The following BRAP variants were observed in gnomAD, a reference collection of about 807,000 sequenced individuals.
BRAP encodes the protein BRCA1 associated protein.
A neutral mutation model predicts 73.4 loss-of-function variants in BRAP; 42 were observed. The ratio of observed to expected loss-of-function variants is 0.57; its 90% CI spans 0.45 to 0.74. The LOEUF is 0.74. Among genes scored for constraint, BRAP ranks in the 30% least tolerant of loss-of-function variants. BRAP has a pLI of 0.00. For missense variants in BRAP, 593 were observed against 751.4 expected (o/e 0.79, Z 2.46); for synonymous variants, 255 against 267.4 (o/e 0.95, Z 0.45).
intron 9 of BRAP, 124 bp downstream of exon 9, chr12:111,658,612 C>T (rs1326374628): frequency 2.5e-5 from 18 of 718,092 alleles, no homozygotes; most frequent in Non-Finnish European, 3.7e-5. Flanking sequence ...GCATAAGCCA[C>T]TGCGCCCGGC....
chr12:111,674,381 T>A (rs891477744), intron 4 of BRAP, among the ~76,000 whole-genome samples: 7 of 152,188 alleles, frequency 4.6e-5, no homozygotes, highest in Non-Finnish European at 1.0e-4. Context: ...TAGCTGTGAT[T>A]ATAGGCATAC....
chr12:111,680,527 T>C (rs1278023552), intron 3 of BRAP, among the ~76,000 whole-genome samples: 1 of 124,230 alleles, frequency 8.0e-6, no homozygotes, highest in Non-Finnish European at 1.6e-5. Context: ...TGAAACCCCA[T>C]CTCTGCCAAA....
At chr12:111,650,387 T>C (rs1255617743) in intron 10 of BRAP, among the ~76,000 whole-genome samples, 1 of 152,168 alleles carries the variant, frequency 6.6e-6, no homozygotes, top group African/African-American at 2.4e-5. Flanking sequence ...TGCCTCAGCC[T>C]CCCAAGTAGC....
intron 6 of BRAP, 50 bp from the exon 7 acceptor site, chr12:111,660,725 C>A: frequency 6.5e-7 from 1 of 1,531,712 alleles, no homozygotes; most frequent in Non-Finnish European, 8.8e-7. Flanking sequence ...TAAAAGACAG[C>A]TGTTACAGAA....
intron 4 of BRAP, chr12:111,673,127 TG>T (rs1210951998): frequency 3.0e-5 from 6 of 202,412 alleles, no homozygotes; most frequent in African/African-American, 4.6e-5. Flanking sequence ...TCATCACTTG[TG>T]CAGCTGAAAG....
chr12:111,680,246 G>GC (rs1887549096), intron 3 of BRAP, among the ~76,000 whole-genome samples: 1 of 151,470 alleles, frequency 6.6e-6, no homozygotes, highest in South Asian at 2.1e-4. Flanking sequence ...GAGCCACCAC[G>GC]CCCGGCAAGA....
At chr12:111,680,779 C>A (rs1234346735) in intron 3 of BRAP, among the ~76,000 whole-genome samples, 1 of 152,128 alleles carries the variant, frequency 6.6e-6, no homozygotes, top group Non-Finnish European at 1.5e-5. Context: ...CAGTAGAGAT[C>A]TGGCAAATGA....
intron 11 of BRAP, among the ~76,000 whole-genome samples, chr12:111,648,229 C>A (rs936980422): frequency 2.0e-5 from 3 of 148,234 alleles, no homozygotes; most frequent in Non-Finnish European, 3.0e-5. Context: ...ATCCGGGAGG[C>A]GGAGGTTGCA....
chr12:111,667,294 AAC>A (rs755676527), intron 5 of BRAP, among the ~76,000 whole-genome samples: 1 of 152,164 alleles, frequency 6.6e-6, no homozygotes, highest in Non-Finnish European at 1.5e-5. Flanking sequence ...CCACCAATAA[AAC>A]AGTCTGAAGC....
intron 10 of BRAP, among the ~76,000 whole-genome samples, chr12:111,651,189 T>C (rs1379414604): frequency 6.8e-6 from 1 of 147,602 alleles, no homozygotes; most frequent in Non-Finnish European, 1.5e-5. Context: ...TCATTTTCCA[T>C]ACAGCCTGCC....
At chr12:111,658,372 C>A (rs1477491143) in intron 9 of BRAP, among the ~76,000 whole-genome samples, 1 of 151,778 alleles carries the variant, frequency 6.6e-6, no homozygotes, top group African/African-American at 2.4e-5. Context: ...CCGATCTCGG[C>A]TCACTGCAAC....
At chr12:111,677,661 G>A (rs1887437377) in intron 4 of BRAP, among the ~76,000 whole-genome samples, 1 of 152,140 alleles carries the variant, frequency 6.6e-6, no homozygotes, top group Admixed American at 6.5e-5. Flanking sequence ...ATTATTACAT[G>A]TGCTACCAGA....
At chr12:111,644,649 T>G (rs1466675148) in intron 11 of BRAP, 87 bp from the exon 12 acceptor site, 5 of 1,536,666 alleles carry the variant, frequency 3.3e-6, no homozygotes, top group Non-Finnish European at 4.4e-6. Flanking sequence ...AGAGAAACCA[T>G]GACCTCAGAA....
At chr12:111,681,530 G>T in intron 3 of BRAP, 107 bp downstream of exon 3, 1 of 828,904 alleles carries the variant, frequency 1.2e-6, no homozygotes, top group Non-Finnish European at 1.8e-6. Context: ...TTATTATTTT[G>T]AAGCTTAAAA....
Position 111,651,459 on chromosome 12 carries a change from C to T in BRAP, c.1312-1417G>A, listed in dbSNP as rs118106280. ...AGGCTGAGGCAGGGAGCGGCTTGAA[C>T]CAGGGAGGTGGAGATTGCAGTGAGC... is the stretch of plus-strand genomic sequence containing the variant. On this transcript the variant is annotated intron_variant, in intron 10 of 11. Transcript: ENST00000419234. 0.011 allele frequency among the ~76,000 whole-genome samples: 1,724 copies of T among 151,494 alleles called. 121 individuals are homozygous for T. In the South Asian group the frequency reaches 0.17, roughly 15 times the overall value.
rs200808361 is a variant in BRAP, at chr12:111,672,670, T to C, written c.738A>G (p.Lys246=). ...LVYVERAEVL[K]SEDGASLPVM... is the part of the protein sequence containing the mutation. Reference sequence around the variant, plus strand: ...AACAATTCACACTTACATCTTCAGATTTGAGCACTTCAGCTCTTTCCACAT... The same window carrying C: ...AACAATTCACACTTACATCTTCAGACTTGAGCACTTCAGCTCTTTCCACAT... The change falls in exon 5 of 12, where the codon AAA becomes AAG. Residue 246 remains lysine, a synonymous_variant. Coordinates refer to ENST00000419234, the MANE Select transcript of BRAP (RefSeq NM_006768.5). The C allele has an allele frequency of 7.3e-5, 118 of 1,611,812 alleles. No homozygotes were observed. In the East Asian group the frequency reaches 2.2e-3, roughly 30 times the overall value.
In BRAP at chr12:111,670,522, C is replaced by T. The variant is rs148321871; in HGVS notation, c.747+2139G>A. Among the ~76,000 whole-genome samples the T allele has an allele frequency of 4.7e-3, 710 of 152,274 alleles. 7 individuals are homozygous for T. Among genetic ancestry groups the T allele is most frequent in the African/African-American group, 0.016 (649 of 41,554 alleles). ...TTAATTTTGTTTTTTAGATGGGAGT[C>T]TTGTTCTGTTGCCCAGGCTAGAGTG... On this transcript the variant is annotated intron_variant, in intron 5 of 11. Transcript: ENST00000419234.
At position 111,685,758 on chromosome 12, in the gene BRAP, A is replaced by G; in HGVS notation, c.35T>C (p.Leu12Pro). The G allele has an allele frequency of 6.2e-7, 1 of 1,610,284 alleles. No individual in the cohort carries two copies. The highest frequency in any genetic ancestry group is 1.1e-5 in the South Asian group (1 of 90,780). ...SVSLVVIRLE[L>P]AEHSPVPAGF... ...GGCGGGGACAGGCGAGTGTTCCGCG[A>G]GCTCCAATCGGATAACAACCAGTGA... The change falls in exon 1 of 12, where the codon CTC (leucine) becomes CCC (proline). Residue 12 changes from leucine (L) to proline (P), a missense_variant. By Grantham distance (98) the Leu-to-Pro change is moderately conservative (BLOSUM62 -3). This residue lies in a region of BRAP where 304 missense variants were observed against 337.7 expected (regional missense o/e 0.90). Transcript: ENST00000419234.
At chr12:111,673,986 C>T (rs1399460957) in intron 4 of BRAP, among the ~76,000 whole-genome samples, 1 of 152,162 alleles carries the variant, frequency 6.6e-6, no homozygotes, top group African/African-American at 2.4e-5. Context: ...ATTTTATTCC[C>T]ATACGGGCAT....
Sources: allele counts gnomAD v4.1 joint callset (sites outside exome capture counted in the v4.1 genomes callset), GRCh38; gene constraint gnomAD v4.1.1; regional missense constraint gnomAD v4.1.1; transcripts MANE v1.5; gene names NCBI Gene and HGNC (gene_info 2026-07-23, HGNC 2026-07-21).